The following FRMPD3 variants were observed in gnomAD, a reference collection of about 807,000 sequenced individuals.
FRMPD3 encodes FERM and PDZ domain containing 3.
FRMPD3 carries 42 observed loss-of-function variants against 97.9 expected under a neutral mutation model. That is an observed-to-expected ratio of 0.43 (90% CI 0.34 to 0.55). The LOEUF (loss-of-function observed/expected upper bound fraction) is 0.55. Among genes scored for constraint, FRMPD3 ranks in the 20% least tolerant of loss-of-function variants. FRMPD3 has a pLI of 0.03. For synonymous variants in FRMPD3, 577 were observed against 581.1 expected (o/e 0.99, Z 0.10); for missense variants, 1,303 against 1,457.7 (o/e 0.89, Z 1.73).
intron 12 of FRMPD3, among the ~76,000 whole-genome samples, chrX:107,566,913 G>A (rs1487791123): frequency 1.8e-5 from 2 of 111,483 alleles, no homozygotes; most frequent in Non-Finnish European, 3.8e-5. Flanking sequence ...CCACAGTTGT[G>A]GGAATGAATG....
intron 1 of FRMPD3, among the ~76,000 whole-genome samples, chrX:107,509,664 C>T (rs1024892858): frequency 2.7e-5 from 3 of 111,005 alleles, no homozygotes; most frequent in African/African-American, 9.8e-5. Flanking sequence ...CCTGGAATGT[C>T]CTTCTCACCT....
intron 1 of FRMPD3, among the ~76,000 whole-genome samples, chrX:107,475,726 T>C (rs1197454459): frequency 2.7e-5 from 3 of 112,136 alleles, no homozygotes; most frequent in Middle Eastern, 4.6e-3. Flanking sequence ...TTATAGAAAG[T>C]TGTATGGTGT....
At position 107,597,642 on chromosome X, in the gene FRMPD3, A is replaced by C; in HGVS notation, c.1763A>C (p.Glu588Ala). Residue 588 changes from glutamate (E) to alanine (A), a missense_variant, in exon 14 of 15, where the codon GAG becomes GCG. Around this residue, in one of 3 missense-constraint regions of FRMPD3, gnomAD observed 535 missense variants for 618.6 expected, o/e 0.86. Transcript: ENST00000683843. The part of the protein sequence containing the change: ...DDFDAASLDH[E>A]PCASRARSYT... ...TTTGATGCAGCTAGCCTAGACCACGAGCCTTGTGCCAGCAGGGCCCGGTCC... is the reference window on the plus strand; with the variant it reads ...TTTGATGCAGCTAGCCTAGACCACGCGCCTTGTGCCAGCAGGGCCCGGTCC... The C allele has an allele frequency of 1.7e-6, 2 of 1,210,501 alleles. No homozygotes were observed.
intron 1 of FRMPD3, among the ~76,000 whole-genome samples, chrX:107,497,432 G>A (rs190627358): frequency 4.1e-3 from 457 of 112,411 alleles, no homozygotes; most frequent in African/African-American, 0.014. Flanking sequence ...TCTCCTGGAA[G>A]CCTTGACTCC....
chrX:107,560,669 C>T, intron 9 of FRMPD3, 58 bp from the exon 10 acceptor site: 1 of 1,119,611 alleles, frequency 8.9e-7, no homozygotes, highest in Non-Finnish European at 1.2e-6. Flanking sequence ...GTCTTACCAT[C>T]TTCTCTCTGT....
Position 107,597,301 on chromosome X carries a change from G to A in FRMPD3, c.1442-20G>A, listed in dbSNP as rs1374387657. On this transcript the variant is annotated intron_variant, in intron 13 of 14. Transcript: ENST00000683843. ...TCCTTGGCACCAGGGCTCATCTGTT[G>A]ATTCTCTTTCTGGGTTTAGATTACA... The A allele has an allele frequency of 5.1e-6, 6 of 1,165,766 alleles. No homozygotes were observed. In the Admixed American group the frequency reaches 1.2e-4, roughly 23 times the overall value.
intron 1 of FRMPD3, among the ~76,000 whole-genome samples, chrX:107,463,006 C>T (rs1931502597): frequency 8.9e-6 from 1 of 111,971 alleles, no homozygotes; most frequent in Admixed American, 9.4e-5. Flanking sequence ...TCCATAAATA[C>T]TGTCCCTATT....
chrX:107,566,984 C>A (rs184628318), intron 12 of FRMPD3, among the ~76,000 whole-genome samples: 1 of 111,688 alleles, frequency 9.0e-6, no homozygotes, highest in East Asian at 2.8e-4. Context: ...ACATGACCTG[C>A]CTTTAAAGCA....
intron 1 of FRMPD3, among the ~76,000 whole-genome samples, chrX:107,517,117 C>T (rs1483773272): frequency 6.3e-5 from 7 of 111,912 alleles, no homozygotes; most frequent in African/African-American, 2.0e-4. Flanking sequence ...TTCCCAGCAC[C>T]ATTTATTAAA....
rs192908769 is a variant in FRMPD3, at chrX:107,579,669, A to G, written c.1441+3210A>G. ...CCAGAAAGGCTTTGAGCTTAGAGAAAGGTCCAGAAAAATGCCAGTTCTCTA... is the reference window on the plus strand; with the variant it reads ...CCAGAAAGGCTTTGAGCTTAGAGAAGGGTCCAGAAAAATGCCAGTTCTCTA... On this transcript the variant is annotated intron_variant, in intron 13 of 14. Transcript: ENST00000683843. Among the ~76,000 whole-genome samples, 782 of 111,748 alleles carry G rather than the reference A, an allele frequency of 7.0e-3. 7 individuals carry two copies. The highest frequency in any genetic ancestry group is 0.024 in the African/African-American group (747 of 30,760).
At chrX:107,507,602 G>A (rs1479902957) in intron 1 of FRMPD3, among the ~76,000 whole-genome samples, 3 of 112,644 alleles carry the variant, frequency 2.7e-5, no homozygotes, top group African/African-American at 6.5e-5. Context: ...GGTAGGGCGG[G>A]TTGGAGCCTC....
rs1168263688 is a variant in FRMPD3, at chrX:107,570,039, TGAAA to T, written c.1296+4988_1296+4991del. ...AAAAAAAAAAGGAAAGAAAGAAAGA[TGAAA>T]GAAAGAAAGAAAGAGAAAAGAAAAG... On this transcript the variant is annotated intron_variant, in intron 12 of 14. Transcript: ENST00000683843. Among the ~76,000 whole-genome samples the T allele has an allele frequency of 6.3e-3, 357 of 56,386 alleles. 4 individuals carry two copies. Among genetic ancestry groups the T allele is most frequent in the African/African-American group, 0.025 (331 of 13,068 alleles). 49.0% of individuals were successfully genotyped at this position (56,386 alleles called of 115,157 possible).
At chrX:107,522,185 T>C (rs1438811073) in intron 1 of FRMPD3, among the ~76,000 whole-genome samples, 1 of 111,286 alleles carries the variant, frequency 9.0e-6, no homozygotes, top group Admixed American at 9.5e-5. Context: ...GGGCTTCGGC[T>C]GTGTGAAGCG....
In FRMPD3 at chrX:107,503,246, G is replaced by T. The variant is rs145232653; in HGVS notation, c.-7-23336G>T. On this transcript the variant is annotated intron_variant, in intron 1 of 14. Coordinates refer to ENST00000683843, the MANE Select transcript of FRMPD3 (RefSeq NM_001388459.1). Reference sequence around the variant, plus strand: ...CCCTGCCTCTCTGTTTAACCCCCATGCCTACACAGTGCCATGGCCAGAGTC... The same window carrying T: ...CCCTGCCTCTCTGTTTAACCCCCATTCCTACACAGTGCCATGGCCAGAGTC... 1.3e-3 allele frequency among the ~76,000 whole-genome samples: 147 copies of T among 112,489 alleles called. 4 individuals are homozygous for T. In the East Asian group the frequency reaches 0.031, roughly 24 times the overall value.
Position 107,602,999 on chromosome X carries a change from C to G in FRMPD3, c.4960C>G (p.His1654Asp). The G allele has an allele frequency of 8.3e-7, 1 of 1,211,353 alleles. No homozygotes were observed. Among genetic ancestry groups the G allele is most frequent in the Non-Finnish European group, 1.1e-6 (1 of 895,510 alleles). ...RVANVDKSPT[H>D]MLAAITGSFQ... ...GGCCAATGTGGACAAGAGCCCAACTCACATGCTGGCAGCCATCACGGGCAG... is the reference window on the plus strand; with the variant it reads ...GGCCAATGTGGACAAGAGCCCAACTGACATGCTGGCAGCCATCACGGGCAG... The change falls in exon 15 of 15, where the codon CAC becomes GAC. Residue 1654 changes from histidine to aspartate, a missense_variant. His to Asp is a moderately conservative substitution (Grantham distance 81). Transcript: ENST00000683843.
intron 1 of FRMPD3, among the ~76,000 whole-genome samples, chrX:107,499,245 CG>C (rs1921847578): frequency 8.9e-6 from 1 of 111,918 alleles, no homozygotes; most frequent in Non-Finnish European, 1.9e-5. Context: ...GAGCTAAGTC[CG>C]GAAGGATAAG....
intron 12 of FRMPD3, among the ~76,000 whole-genome samples, chrX:107,568,566 C>CAA (rs749398991): frequency 1.9e-4 from 10 of 52,817 alleles, no homozygotes; most frequent in South Asian, 9.0e-4. Flanking sequence ...ACTAAAAATG[C>CAA]AAAAAAAAAA....
chrX:107,550,792 G>T (rs1896239461), intron 6 of FRMPD3, among the ~76,000 whole-genome samples: 1 of 111,411 alleles, frequency 9.0e-6, no homozygotes, highest in South Asian at 3.8e-4. Context: ...TCTGCTCTGG[G>T]ACAGAAATAT....
At chrX:107,522,318 A>G (rs982130988) in intron 1 of FRMPD3, 2 of 504,162 alleles carry the variant, frequency 4.0e-6, no homozygotes, top group South Asian at 2.7e-5. Flanking sequence ...TTCTGTAACC[A>G]TGATCTCATT....
Sources: allele counts gnomAD v4.1 joint callset (sites outside exome capture counted in the v4.1 genomes callset), GRCh38; gene constraint gnomAD v4.1.1; regional missense constraint gnomAD v4.1.1; transcripts MANE v1.5; gene names NCBI Gene and HGNC (gene_info 2026-07-23, HGNC 2026-07-21).